ARL8B: variants seen among roughly 807,000 people sequenced by gnomAD.
The protein encoded by ARL8B is ADP-ribosylation factor-like protein 8B.
In ARL8B, 9 loss-of-function variants were observed where a neutral mutation model predicts 30.6. That is an observed-to-expected ratio of 0.29 (90% confidence interval 0.18 to 0.51). The LOEUF (loss-of-function observed/expected upper bound fraction) is 0.51. ARL8B is among the 20% of genes least tolerant of loss of function. The pLI is 0.97. For synonymous variants in ARL8B, 74 were observed against 76.0 expected (o/e 0.97, Z 0.14); for missense variants, 130 against 227.2 (o/e 0.57, Z 2.75).
In ARL8B at chr3:5,130,119, C is replaced by A. The variant is rs938261877; in HGVS notation, c.123+7531C>A. 1.2e-4 allele frequency among the ~76,000 whole-genome samples: 18 copies of A among 152,234 alleles called. 1 individual carries two copies. Among genetic ancestry groups the A allele is most frequent in the Admixed American group, 1.2e-3 (18 of 15,298 alleles). ...CCTCAGGTGATCTGCCTGCCTTGGCCTCCCAAAGTACTGGGATTACAGGCG... is the reference window on the plus strand; with the variant it reads ...CCTCAGGTGATCTGCCTGCCTTGGCATCCCAAAGTACTGGGATTACAGGCG... On this transcript the variant is annotated intron_variant, in intron 1 of 6. Transcript: ENST00000256496.
chr3:5,127,214 A>C (rs2054238046), intron 1 of ARL8B, among the ~76,000 whole-genome samples: 1 of 152,248 alleles, frequency 6.6e-6, no homozygotes, highest in South Asian at 2.1e-4. Flanking sequence ...ATTCCAAGGC[A>C]ACAAAGCTAA....
chr3:5,123,533 G>T (rs1238465135), intron 1 of ARL8B, among the ~76,000 whole-genome samples: 1 of 152,198 alleles, frequency 6.6e-6, no homozygotes, highest in South Asian at 2.1e-4. Flanking sequence ...CCCAAGAGTT[G>T]TTGTGACTCA....
At chr3:5,144,262 T>C (rs926859847) in intron 1 of ARL8B, among the ~76,000 whole-genome samples, 8 of 152,214 alleles carry the variant, frequency 5.3e-5, no homozygotes, top group African/African-American at 1.9e-4. Context: ...AGGTGATCTC[T>C]GATCACCAGT....
intron 1 of ARL8B, among the ~76,000 whole-genome samples, chr3:5,142,401 A>C (rs2054382119): frequency 6.6e-6 from 1 of 152,174 alleles, no homozygotes; most frequent in African/African-American, 2.4e-5. Flanking sequence ...GAGCAGTGAC[A>C]GACTCTTTAC....
At chr3:5,160,031 C>T (rs931186782) in intron 1 of ARL8B, among the ~76,000 whole-genome samples, 1 of 152,090 alleles carries the variant, frequency 6.6e-6, no homozygotes, top group Admixed American at 6.6e-5. Context: ...ACTCATGCTC[C>T]CTACTTAAGA....
intron 1 of ARL8B, among the ~76,000 whole-genome samples, chr3:5,139,588 C>A (rs1161335957): frequency 6.6e-6 from 1 of 152,174 alleles, no homozygotes; most frequent in Non-Finnish European, 1.5e-5. Context: ...TTCTCAGTAA[C>A]ATCTTTGACA....
intron 1 of ARL8B, among the ~76,000 whole-genome samples, chr3:5,165,229 C>G (rs568801338): frequency 2.0e-5 from 3 of 152,040 alleles, no homozygotes; most frequent in African/African-American, 7.2e-5. Flanking sequence ...ATCTTATTAC[C>G]TTCCTTTTAA....
chr3:5,174,398 A>G lies in ARL8B; in HGVS notation c.495A>G (p.Lys165=). The G allele has an allele frequency of 6.2e-7, 1 of 1,603,024 alleles. No homozygotes were observed. The highest frequency in any genetic ancestry group is 8.5e-7 in the Non-Finnish European group (1 of 1,170,314). The change falls in exon 6 of 7, where the codon AAA becomes AAG. Residue 165 remains lysine (K), a synonymous_variant. Coordinates refer to ENST00000256496, the MANE Select transcript of ARL8B (RefSeq NM_018184.3). ...REICCYSISC[K]EKDNIDITLQ... is the part of the protein sequence containing the mutation. ...TTTGCTGCTATTCAATTTCTTGCAA[A>G]GAAAAGGATAATATAGGTAAGAAAT...
At chr3:5,129,886 CAG>C (rs1459039379) in intron 1 of ARL8B, among the ~76,000 whole-genome samples, 3 of 152,216 alleles carry the variant, frequency 2.0e-5, no homozygotes, top group African/African-American at 4.8e-5. Flanking sequence ...GTTTTTCAGA[CAG>C]AGTCTTGCTC....
chr3:5,170,740 T>G, intron 2 of ARL8B, 157 bp downstream of exon 2: 1 of 568,298 alleles, frequency 1.8e-6, no homozygotes, highest in Non-Finnish European at 3.0e-6. Context: ...GTTTTTTTGT[T>G]TTTTTTTTGG....
At chr3:5,174,794 AAAT>A (rs1005216934) in intron 6 of ARL8B, among the ~76,000 whole-genome samples, 12 of 146,824 alleles carry the variant, frequency 8.2e-5, no homozygotes, top group Non-Finnish European at 1.5e-4. Context: ...ATATATATAT[AAAT>A]AATATTATAT....
At chr3:5,157,161 TG>T (rs1388848141) in intron 1 of ARL8B, 2 of 152,260 alleles carry the variant, frequency 1.3e-5, no homozygotes, top group Non-Finnish European at 1.5e-5. Flanking sequence ...TGGTGCTATT[TG>T]GGTCATTTCT....
At chr3:5,137,306 G>T (rs369270583) in intron 1 of ARL8B, among the ~76,000 whole-genome samples, 1 of 152,118 alleles carries the variant, frequency 6.6e-6, no homozygotes, top group East Asian at 1.9e-4. Context: ...TCTACTAGAT[G>T]CTAGATGAAG....
chr3:5,131,160 C>G (rs1241583570), intron 1 of ARL8B, among the ~76,000 whole-genome samples: 1 of 152,104 alleles, frequency 6.6e-6, no homozygotes, highest in Non-Finnish European at 1.5e-5. Context: ...CCGCCTTAGC[C>G]TCCCAAAGTA....
chr3:5,155,611 C>G (rs950257853), intron 1 of ARL8B, among the ~76,000 whole-genome samples: 13 of 151,818 alleles, frequency 8.6e-5, no homozygotes, highest in African/African-American at 2.9e-4. Flanking sequence ...CTTTCTCTGA[C>G]TCAGACTGAA....
chr3:5,171,546 C>T (rs2054675989), intron 2 of ARL8B, among the ~76,000 whole-genome samples: 1 of 152,066 alleles, frequency 6.6e-6, no homozygotes, highest in Non-Finnish European at 1.5e-5. Context: ...TGAGGTTTCA[C>T]TGTGTTGGCC....
intron 1 of ARL8B, among the ~76,000 whole-genome samples, chr3:5,156,440 G>A (rs568264725): frequency 1.6e-4 from 24 of 149,166 alleles, no homozygotes; most frequent in Non-Finnish European, 2.2e-4. Context: ...TTTTTGAGAC[G>A]GAGTCTCACA....
At chr3:5,176,983 T>C (rs139519260) in intron 6 of ARL8B, among the ~76,000 whole-genome samples, 8 of 152,342 alleles carry the variant, frequency 5.3e-5, no homozygotes, top group Middle Eastern at 6.8e-3. Context: ...TTATCCAGCA[T>C]AAAATGTCAG....
At chr3:5,156,303 AT>A (rs544726973) in intron 1 of ARL8B, among the ~76,000 whole-genome samples, 1 of 146,524 alleles carries the variant, frequency 6.8e-6, no homozygotes, top group Non-Finnish European at 1.5e-5. Flanking sequence ...ATGCTTTGTG[AT>A]TTTTTTTTGT....
Sources: gnomAD v4.1 joint callset for allele counts (sites outside exome capture counted in the v4.1 genomes callset) on GRCh38, gnomAD v4.1.1 for gene constraint, MANE v1.5 for transcripts, NCBI Gene and HGNC (gene_info 2026-07-23, HGNC 2026-07-21) for gene names.